The following CSMD1 variants were observed in gnomAD, a reference collection of about 807,000 sequenced individuals.
The protein encoded by CSMD1 is CUB and sushi domain-containing protein 1.
CSMD1 carries 213 observed loss-of-function variants against 417.5 expected under a neutral mutation model. The ratio of observed to expected loss-of-function variants is 0.51; its 90% CI spans 0.46 to 0.57. The LOEUF (loss-of-function observed/expected upper bound fraction) is 0.57, where lower values mean the gene tolerates loss of function less well. CSMD1 is among the 20% of genes least tolerant of loss of function. The pLI is 0.00. For missense variants in CSMD1, 6,923 were observed against 4,529.7 expected (o/e 1.53, Z -15.17); for synonymous variants, 2,862 against 1,736.8 (o/e 1.65, Z -16.11).
chr8:4,184,412 G>A (rs1042638944), intron 3 of CSMD1, among the ~76,000 whole-genome samples: 1 of 152,100 alleles, frequency 6.6e-6, no homozygotes, highest in Non-Finnish European at 1.5e-5. Context: ...GAGCATATGA[G>A]GATGTTCCTT....
At chr8:4,428,649 G>C (rs112226031) in intron 2 of CSMD1, among the ~76,000 whole-genome samples, 1 of 152,036 alleles carries the variant, frequency 6.6e-6, no homozygotes, top group African/African-American at 2.4e-5. Flanking sequence ...AGAACTTTTA[G>C]GGCTTATTAA....
intron 3 of CSMD1, among the ~76,000 whole-genome samples, chr8:4,111,373 T>A (rs1017451973): frequency 1.3e-5 from 2 of 152,166 alleles, no homozygotes; most frequent in African/African-American, 4.8e-5. Flanking sequence ...GAAATACACA[T>A]GGAAATAAAC....
intron 3 of CSMD1, among the ~76,000 whole-genome samples, chr8:4,287,533 A>T (rs556356770): frequency 6.6e-6 from 1 of 152,096 alleles, no homozygotes; most frequent in African/African-American, 2.4e-5. Context: ...GCAGCTTCCC[A>T]TTATCGTTAT....
chr8:3,279,450 T>G (rs1227512659), intron 26 of CSMD1, among the ~76,000 whole-genome samples: 1 of 152,190 alleles, frequency 6.6e-6, no homozygotes, highest in East Asian at 1.9e-4. Flanking sequence ...TGTAGTACAC[T>G]CACAGGCATT....
intron 2 of CSMD1, among the ~76,000 whole-genome samples, chr8:4,504,208 T>G (rs1031781629): frequency 7.2e-5 from 11 of 152,184 alleles, no homozygotes. Context: ...GTCATTATAC[T>G]GTGTGAACCA....
chr8:4,575,790 T>A (rs1799108657), intron 2 of CSMD1, among the ~76,000 whole-genome samples: 3 of 152,220 alleles, frequency 2.0e-5, no homozygotes, highest in Admixed American at 1.3e-4. Flanking sequence ...GCTGGTCTCA[T>A]CTCCGGCAAT....
intron 49 of CSMD1, among the ~76,000 whole-genome samples, chr8:3,054,454 C>A (rs377607559): frequency 1.3e-5 from 2 of 152,014 alleles, no homozygotes; most frequent in Non-Finnish European, 2.9e-5. Flanking sequence ...CCTGTCTCTA[C>A]CAAAAATACA....
chr8:4,252,000 T>A (rs1037019585), intron 3 of CSMD1, among the ~76,000 whole-genome samples: 1 of 152,058 alleles, frequency 6.6e-6, no homozygotes. Flanking sequence ...ATTACAAGCA[T>A]AGAGAACTTA....
chr8:3,912,562 G>A lies in CSMD1; in HGVS notation c.818+85341C>T, dbSNP rs141444498. On this transcript the variant is annotated intron_variant, in intron 5 of 69. Transcript: ENST00000635120. ...TTAATCTTAGCTTCTCTGCCAAGGTGGTTTTGGAGATGAAAGTTGAAGCAT... is the reference window on the plus strand; with the variant it reads ...TTAATCTTAGCTTCTCTGCCAAGGTAGTTTTGGAGATGAAAGTTGAAGCAT... Among the ~76,000 whole-genome samples the A allele has an allele frequency of 7.4e-4, 112 of 152,276 alleles. 1 individual carries two copies. In the East Asian group the frequency reaches 0.019, roughly 26 times the overall value.
In CSMD1 at chr8:4,312,450, C is replaced by CGCGTATATATATATGCGTATATATATAT. The variant is rs1563435394; in HGVS notation, c.415+107502_415+107503insATATATATATACGCATATATATATACGC. ...GTATATATATATGCGTATATATATA[C>CGCGTATATATATATGCGTATATATATAT]GTATATATATGCGCGTATATATATA... On this transcript the variant is annotated intron_variant, in intron 3 of 69. Transcript: ENST00000635120. 3.2e-5 allele frequency among the ~76,000 whole-genome samples: 4 copies of CGCGTATATATATATGCGTATATATATAT among 123,620 alleles called. 1 individual carries two copies. The highest frequency in any genetic ancestry group is 6.3e-5 in the Non-Finnish European group (4 of 63,748). The allele number at this position is 123,620 out of a possible 152,430, so 81.1% of individuals were successfully genotyped here.
At chr8:4,232,347 C>G (rs533802884) in intron 3 of CSMD1, among the ~76,000 whole-genome samples, 3 of 152,024 alleles carry the variant, frequency 2.0e-5, no homozygotes, top group Non-Finnish European at 4.4e-5. Flanking sequence ...TACAGGCACC[C>G]GCCATTAAGC....
intron 41 of CSMD1, among the ~76,000 whole-genome samples, chr8:3,137,517 T>C (rs924213740): frequency 6.6e-6 from 1 of 152,224 alleles, no homozygotes; most frequent in African/African-American, 2.4e-5. Flanking sequence ...TCATGCAGTG[T>C]ATTGTTTTCA....
At chr8:3,804,002 A>G (rs1213958182) in intron 5 of CSMD1, among the ~76,000 whole-genome samples, 1 of 152,058 alleles carries the variant, frequency 6.6e-6, no homozygotes, top group Non-Finnish European at 1.5e-5. Context: ...ATCTCGGCTC[A>G]CTGCAACCTC....
At chr8:4,139,664 G>T (rs1412532881) in intron 3 of CSMD1, among the ~76,000 whole-genome samples, 1 of 151,146 alleles carries the variant, frequency 6.6e-6, no homozygotes, top group Non-Finnish European at 1.5e-5. Context: ...GCAAAGGGAT[G>T]CCAAACAGTG....
At chr8:4,417,973 A>C (rs1236406466) in intron 3 of CSMD1, among the ~76,000 whole-genome samples, 1 of 151,936 alleles carries the variant, frequency 6.6e-6, no homozygotes, top group East Asian at 1.9e-4. Flanking sequence ...ATCTTACCTT[A>C]CTCTTCCACT....
intron 15 of CSMD1, among the ~76,000 whole-genome samples, chr8:3,401,064 CTTT>C (rs1338029589): frequency 6.6e-6 from 1 of 151,692 alleles, no homozygotes; most frequent in South Asian, 2.1e-4. Context: ...TAATTCAATT[CTTT>C]TGTTTTTTAA....
chr8:4,488,288 A>G (rs1398586039), intron 2 of CSMD1, among the ~76,000 whole-genome samples: 1 of 152,144 alleles, frequency 6.6e-6, no homozygotes, highest in African/African-American at 2.4e-5. Context: ...AAAGACCTCT[A>G]CTTCATATAA....
chr8:4,092,986 T>TG (rs1456658209), intron 3 of CSMD1, among the ~76,000 whole-genome samples: 3 of 151,922 alleles, frequency 2.0e-5, no homozygotes, highest in Non-Finnish European at 4.4e-5. Context: ...TTATACATAG[T>TG]GGGGGTCAAA....
At chr8:3,620,218 A>G (rs770203136) in intron 7 of CSMD1, among the ~76,000 whole-genome samples, 1 of 152,218 alleles carries the variant, frequency 6.6e-6, no homozygotes, top group Non-Finnish European at 1.5e-5. Context: ...TGAAAGGGAA[A>G]TTAAGACACT....
Sources: gnomAD v4.1 joint callset for allele counts (sites outside exome capture counted in the v4.1 genomes callset) on GRCh38, gnomAD v4.1.1 for gene constraint, MANE v1.5 for transcripts, NCBI Gene and HGNC (gene_info 2026-07-23, HGNC 2026-07-21) for gene names.